Variants in VPS50 observed in about 807,000 individuals in gnomAD.
VPS50 encodes the protein syndetin.
VPS50 carries 70 observed loss-of-function variants against 139.7 expected under a neutral mutation model. That is an observed-to-expected ratio of 0.50 (90% CI 0.41 to 0.61). VPS50 has a LOEUF of 0.61. Ranked by LOEUF, VPS50 falls within the 20% of genes least tolerant of loss-of-function variation. The pLI is 0.00. For missense variants in VPS50, 921 were observed against 1,133.7 expected (o/e 0.81, Z 2.69); for synonymous variants, 365 against 376.7 (o/e 0.97, Z 0.36).
At chr7:93,270,981 T>G in intron 9 of VPS50, 1 of 422,938 alleles carries the variant, frequency 2.4e-6, no homozygotes, top group Non-Finnish European at 3.6e-6. Flanking sequence ...AGTTTTTTTA[T>G]TTTTATCTGT....
At chr7:93,319,926 CTT>C (rs1797550740) in intron 20 of VPS50, among the ~76,000 whole-genome samples, 1 of 151,740 alleles carries the variant, frequency 6.6e-6, no homozygotes, top group Admixed American at 6.6e-5. Flanking sequence ...TTTAAGAAGT[CTT>C]TTATATTCTT....
chr7:93,258,128 A>G lies in VPS50; in HGVS notation c.423-31A>G, dbSNP rs761818533. On this transcript the variant is annotated intron_variant, in intron 6 of 27. Transcript: ENST00000305866. ...GATAGTATTCTTATTATAATAAAAA[A>G]CTTTTAACTATTTATTGTTCACTTT... The G allele has an allele frequency of 5.7e-6, 5 of 879,114 alleles. No homozygotes were observed. In the Admixed American group the frequency reaches 6.1e-5, roughly 11 times the overall value. 54.5% of individuals were successfully genotyped at this position (879,114 alleles called of 1,614,324 possible).
chr7:93,288,371 A>G (rs750520594), intron 12 of VPS50, among the ~76,000 whole-genome samples: 1 of 152,208 alleles, frequency 6.6e-6, no homozygotes, highest in Non-Finnish European at 1.5e-5. Flanking sequence ...ATGTTCTACC[A>G]ATCTCCTGTG....
intron 21 of VPS50, among the ~76,000 whole-genome samples, chr7:93,326,126 G>A (rs1444175436): frequency 1.3e-5 from 2 of 151,952 alleles, no homozygotes; most frequent in African/African-American, 2.4e-5. Context: ...CATAAAAAAT[G>A]ATGAGTTCAT....
chr7:93,338,526 A>G (rs1413922962), intron 22 of VPS50, among the ~76,000 whole-genome samples: 3 of 152,130 alleles, frequency 2.0e-5, no homozygotes, highest in African/African-American at 7.2e-5. Flanking sequence ...TGAACACTAT[A>G]TATGGTGCCA....
chr7:93,355,976 C>CTT lies in VPS50; in HGVS notation c.2672_2673insTT (p.Thr892Ter). 3 of 1,598,694 alleles carry CTT rather than the reference C, an allele frequency of 1.9e-6. No homozygotes were observed. Among genetic ancestry groups the CTT allele is most frequent in the Non-Finnish European group, 2.6e-6 (3 of 1,167,784 alleles). The stretch of plus-strand genomic sequence containing the variant: ...ACAGTTTTTAATGAAACTTGAAAAA[C>CTT]TAACAGATATTAGACCCATTCCTGA... On this transcript the variant is annotated frameshift_variant, in exon 27 of 28. Coordinates refer to ENST00000305866, the MANE Select transcript of VPS50 (RefSeq NM_017667.4). LOFTEE classifies it high-confidence loss of function.
chr7:93,232,514 G>T lies in VPS50; in HGVS notation c.33+14G>T, dbSNP rs757884869. On this transcript the variant is annotated intron_variant, in intron 1 of 27. Coordinates refer to ENST00000305866, the MANE Select transcript of VPS50 (RefSeq NM_017667.4). The stretch of plus-strand genomic sequence containing the variant: ...ATGACCCGACAGGTAAGTCGCGGCG[G>T]CTGAAGCAAAGGCTTCCTTCATCTC... The T allele has an allele frequency of 2.6e-5, 42 of 1,611,940 alleles. No individual in the cohort carries two copies. In the South Asian group the frequency reaches 3.7e-4, roughly 14 times the overall value.
intron 12 of VPS50, among the ~76,000 whole-genome samples, chr7:93,280,698 G>A (rs1453440179): frequency 6.6e-6 from 1 of 151,852 alleles, no homozygotes; most frequent in African/African-American, 2.4e-5. Context: ...GGTTTTCCTG[G>A]GGAGCTTATT....
At chr7:93,338,221 T>C (rs1798117391) in intron 22 of VPS50, among the ~76,000 whole-genome samples, 1 of 152,186 alleles carries the variant, frequency 6.6e-6, no homozygotes, top group African/African-American at 2.4e-5. Flanking sequence ...TGGATAGCTA[T>C]CTTTATTACT....
At chr7:93,234,911 A>G (rs1794751627) in intron 1 of VPS50, among the ~76,000 whole-genome samples, 1 of 150,804 alleles carries the variant, frequency 6.6e-6, no homozygotes, top group South Asian at 2.1e-4. Context: ...ATGTTTATTG[A>G]GCAATTTGTG....
rs183388182 is a variant in VPS50 at position 93,254,248 on chromosome 7, T to C, written c.297+317T>C. ...CCTTGTCATAGACGTATGATTTCCCTACCCATAGTTTTGTAACTGAGTATT... is the reference window on the plus strand; with the variant it reads ...CCTTGTCATAGACGTATGATTTCCCCACCCATAGTTTTGTAACTGAGTATT... On this transcript the variant is annotated intron_variant, in intron 4 of 27. Coordinates refer to ENST00000305866, the MANE Select transcript of VPS50 (RefSeq NM_017667.4). Among the ~76,000 whole-genome samples, 349 of 152,332 alleles carry C rather than the reference T, an allele frequency of 2.3e-3. 2 individuals are homozygous for C. Among genetic ancestry groups the C allele is most frequent in the African/African-American group, 7.7e-3 (319 of 41,580 alleles).
In VPS50 at chr7:93,259,541, T is replaced by G. The variant is rs1206706054; in HGVS notation, c.577-9T>G. The G allele has an allele frequency of 1.3e-6, 2 of 1,495,692 alleles. No homozygotes were observed. Among genetic ancestry groups the G allele is most frequent in the Non-Finnish European group, 1.9e-6 (2 of 1,075,790 alleles). 92.7% of individuals were successfully genotyped at this position (1,495,692 alleles called of 1,614,324 possible). ...CTATTCCAATGACTCCTGTTGTTGT[T>G]ACCTTAAGGAGGAAGATTATCCAGG... On this transcript the variant is annotated splice_polypyrimidine_tract_variant and intron_variant, in intron 8 of 27. Transcript: ENST00000305866.
intron 2 of VPS50, among the ~76,000 whole-genome samples, chr7:93,250,769 G>A (rs1434558132): frequency 6.6e-6 from 1 of 152,100 alleles, no homozygotes; most frequent in Non-Finnish European, 1.5e-5. Context: ...CCTACAGAAT[G>A]GGAGAAAATG....
chr7:93,304,457 C>A (rs1797062774), intron 17 of VPS50, among the ~76,000 whole-genome samples: 2 of 151,334 alleles, frequency 1.3e-5, no homozygotes, highest in Non-Finnish European at 3.0e-5. Flanking sequence ...TTAATAAATG[C>A]TTTAAAGACA....
chr7:93,314,061 C>T (rs1797350427), intron 20 of VPS50, among the ~76,000 whole-genome samples: 1 of 152,152 alleles, frequency 6.6e-6, no homozygotes, highest in South Asian at 2.1e-4. Context: ...AAGGAAGCCA[C>T]TGTCTCAGAG....
At chr7:93,342,841 T>C (rs987984120) in intron 23 of VPS50, among the ~76,000 whole-genome samples, 2 of 151,978 alleles carry the variant, frequency 1.3e-5, no homozygotes, top group African/African-American at 4.8e-5. Context: ...TACATCACCA[T>C]CATCAAAGAC....
rs148009492 is a variant in VPS50, at chr7:93,356,812, T to A, written c.2775+732T>A. Among the ~76,000 whole-genome samples, 40 of 152,310 alleles carry A rather than the reference T, an allele frequency of 2.6e-4. No individual in the cohort carries two copies. In the East Asian group the frequency reaches 6.7e-3, roughly 26 times the overall value. On this transcript the variant is annotated intron_variant, in intron 27 of 27. Transcript: ENST00000305866. ...ACATTTTCTTAACCTATGAATGTCATGGGTAAAAGCTAAGTCAAGTTTTAT... is the reference window on the plus strand; with the variant it reads ...ACATTTTCTTAACCTATGAATGTCAAGGGTAAAAGCTAAGTCAAGTTTTAT...
At position 93,360,942 on chromosome 7, in the gene VPS50, C is replaced by T. The variant is rs185887518; in HGVS notation, c.*2506C>T. 1.4e-4 allele frequency: 21 copies of T among 151,942 alleles called. No homozygotes were observed. The highest frequency in any genetic ancestry group is 4.6e-4 in the African/African-American group (19 of 41,494). The allele number at this position is 151,942 out of a possible 1,614,324, so 9.4% of individuals were successfully genotyped here. On this transcript the variant is annotated 3_prime_UTR_variant, in exon 28 of 28. Coordinates refer to ENST00000305866, the MANE Select transcript of VPS50 (RefSeq NM_017667.4). ...AAATGAATTTCTCTTGAAACCAGGGCCATATGGTATTTTATCATATCTTTA... is the reference window on the plus strand; with the variant it reads ...AAATGAATTTCTCTTGAAACCAGGGTCATATGGTATTTTATCATATCTTTA...
Position 93,258,247 on chromosome 7 carries a change from C to T in VPS50, c.511C>T (p.Leu171=). 6.3e-7 allele frequency: 1 copy of T among 1,592,896 alleles called. No individual in the cohort carries two copies. Among genetic ancestry groups the T allele is most frequent in the Non-Finnish European group, 8.6e-7 (1 of 1,160,904 alleles). The part of the protein sequence containing the change: ...QRKRQLLIGL[L]KSLRTIKTLQ... ...GAAACGTCAGTTGCTGATTGGACTT[C>T]TGAAATCTCTGAGAACTATAAAAAC... Residue 171 remains leucine (L), a synonymous_variant, in exon 7 of 28, where the codon CTG becomes TTG. Transcript: ENST00000305866.
Sources: gnomAD v4.1 joint callset for allele counts (sites outside exome capture counted in the v4.1 genomes callset) on GRCh38, gnomAD v4.1.1 for gene constraint, MANE v1.5 for transcripts, NCBI Gene and HGNC (gene_info 2026-07-23, HGNC 2026-07-21) for gene names.